Variants in ZPBP2 observed in about 807,000 individuals in gnomAD.
The protein encoded by ZPBP2 is zona pellucida binding protein 2.
ZPBP2 carries 34 observed loss-of-function variants against 37.5 expected under a neutral mutation model. The ratio of observed to expected loss-of-function variants is 0.91; its 90% CI spans 0.69 to 1.21. The LOEUF (loss-of-function observed/expected upper bound fraction) is 1.21, where lower values mean the gene tolerates loss of function less well. Among genes scored for constraint, ZPBP2 ranks in the 50% most tolerant of loss-of-function variants. The pLI is 0.00. For synonymous variants in ZPBP2, 143 were observed against 138.4 expected (o/e 1.03, Z -0.23); for missense variants, 397 against 413.5 (o/e 0.96, Z 0.35).
At position 39,876,914 on chromosome 17, in the gene ZPBP2, A is replaced by G. The variant is rs905599339; in HGVS notation, c.*105A>G. ...CATTAAGTAAAATCAGTAAGACCAA[A>G]CCACTGGAAAACATGCATTTTGGAA... On this transcript the variant is annotated 3_prime_UTR_variant, in exon 8 of 8. Transcript: ENST00000348931. The G allele has an allele frequency of 2.7e-5, 38 of 1,404,506 alleles. No individual in the cohort carries two copies. The East Asian group carries it at 3.8e-4, about 14-fold the overall frequency. The allele number at this position is 1,404,506 out of a possible 1,614,324, so 87.0% of individuals were successfully genotyped here.
At chr17:39,872,156 C>A in intron 4 of ZPBP2, 114 bp from the exon 5 acceptor site, 1 of 728,606 alleles carries the variant, frequency 1.4e-6, no homozygotes, top group Non-Finnish European at 2.2e-6. Context: ...TGTTTCTATG[C>A]TGACTGCAAG....
At chr17:39,871,795 A>G (rs2063366036) in intron 4 of ZPBP2, among the ~76,000 whole-genome samples, 170 bp downstream of exon 4, 1 of 152,174 alleles carries the variant, frequency 6.6e-6, no homozygotes, top group Admixed American at 6.5e-5. Flanking sequence ...TGACATCAAG[A>G]TAGTTTATCC....
chr17:39,869,415 T>C (rs1466986051), intron 2 of ZPBP2, among the ~76,000 whole-genome samples: 4 of 147,124 alleles, frequency 2.7e-5, no homozygotes, highest in African/African-American at 5.0e-5. Context: ...CTTTTTTTTT[T>C]TTTTTTTTTT....
intron 6 of ZPBP2, among the ~76,000 whole-genome samples, chr17:39,874,062 T>C (rs2063378301): frequency 6.9e-6 from 1 of 145,786 alleles, no homozygotes; most frequent in Non-Finnish European, 1.5e-5. Flanking sequence ...CTCAGCTCAC[T>C]GCAACCTCCA....
At chr17:39,876,372 A>G (rs2063390660) in intron 7 of ZPBP2, among the ~76,000 whole-genome samples, 1 of 152,204 alleles carries the variant, frequency 6.6e-6, no homozygotes, top group Admixed American at 6.5e-5. Flanking sequence ...GAGAACTAGG[A>G]AATAGGAACT....
intron 4 of ZPBP2, 98 bp downstream of exon 4, chr17:39,871,723 C>CAGTCACCT: frequency 7.0e-6 from 7 of 994,316 alleles, no homozygotes; most frequent in Non-Finnish European, 8.5e-6. Context: ...TAATAGGTGA[C>CAGTCACCT]TGTCACCAAT....
rs760040285 is a variant in ZPBP2 at position 39,871,569 on chromosome 17, A to T, written c.350A>T (p.Lys117Ile). The change falls in exon 4 of 8, where the codon AAA becomes ATA. Residue 117 changes from lysine (K) to isoleucine (I), a missense_variant. Transcript: ENST00000348931. ...TGTACTCTTTCTTATAAGACTGTTA[A>T]AGCAGAAACTCAAGAAGAAAAAACA... ...YTCTLSYKTV[K>I]AETQEEKTVK... 3.7e-6 allele frequency: 6 copies of T among 1,601,368 alleles called. No homozygotes were observed. Among genetic ancestry groups the T allele is most frequent in the Non-Finnish European group, 4.3e-6 (5 of 1,175,310 alleles).
chr17:39,869,631 C>T (rs1229311235), intron 2 of ZPBP2, among the ~76,000 whole-genome samples: 15 of 150,226 alleles, frequency 1.0e-4, no homozygotes, highest in African/African-American at 3.4e-4. Flanking sequence ...TCTCGAACTT[C>T]TGACCTCAGG....
chr17:39,869,563 C>G (rs892466384), intron 2 of ZPBP2, among the ~76,000 whole-genome samples: 1 of 143,700 alleles, frequency 7.0e-6, no homozygotes, highest in Non-Finnish European at 1.5e-5. Context: ...CGCCACCACG[C>G]CTGGCTAATT....
At chr17:39,869,535 G>T (rs187549822) in intron 2 of ZPBP2, among the ~76,000 whole-genome samples, 1 of 150,718 alleles carries the variant, frequency 6.6e-6, no homozygotes, top group Non-Finnish European at 1.5e-5. Flanking sequence ...CTCCCTAGTG[G>T]CTGGGATTAC....
rs986918789 is a variant in ZPBP2, at chr17:39,877,092, G to A, written c.*283G>A. 7.5e-6 allele frequency: 2 copies of A among 265,790 alleles called. No individual in the cohort carries two copies. The highest frequency in any genetic ancestry group is 1.5e-5 in the Non-Finnish European group (2 of 133,842). The allele number at this position is 265,790 out of a possible 1,614,324, so 16.5% of individuals were successfully genotyped here. On this transcript the variant is annotated 3_prime_UTR_variant, in exon 8 of 8. Transcript: ENST00000348931. ...ATGTTGCTGTGTACCTAAGAGTATAGTAAGGTCAAGAAGAGTATCAAAGTA... is the reference window on the plus strand; with the variant it reads ...ATGTTGCTGTGTACCTAAGAGTATAATAAGGTCAAGAAGAGTATCAAAGTA...
intron 2 of ZPBP2, 70 bp downstream of exon 2, chr17:39,868,684 T>A: frequency 6.4e-7 from 1 of 1,571,448 alleles, no homozygotes; most frequent in East Asian, 2.2e-5. Context: ...CCGGAAGAGC[T>A]TCCTGGAGAG....
intron 6 of ZPBP2, among the ~76,000 whole-genome samples, chr17:39,874,739 T>G (rs1244067202): frequency 6.6e-6 from 1 of 152,052 alleles, no homozygotes; most frequent in Non-Finnish European, 1.5e-5. Context: ...AGCCTAATCT[T>G]AATTTTAATT....
chr17:39,873,461 G>A (rs2063374753), intron 6 of ZPBP2, among the ~76,000 whole-genome samples: 1 of 151,922 alleles, frequency 6.6e-6, no homozygotes, highest in Admixed American at 6.5e-5. Flanking sequence ...GATTTTTTAA[G>A]TATTATTGAT....
chr17:39,868,486 C>T, intron 1 of ZPBP2, 63 bp from the exon 2 acceptor site: 2 of 1,613,426 alleles, frequency 1.2e-6, no homozygotes, highest in Non-Finnish European at 1.7e-6. Context: ...CTCGCCCTGC[C>T]CTGCCCGACT....
rs34192567 is a variant in ZPBP2, at chr17:39,875,883, CTTTTTTTTTTT to C, written c.889+470_889+480del. Among the ~76,000 whole-genome samples the C allele has an allele frequency of 2.8e-3, 179 of 63,782 alleles. 1 individual carries two copies. The highest frequency in any genetic ancestry group is 4.6e-3 in the Non-Finnish European group (138 of 30,090). The allele number at this position is 63,782 out of a possible 152,430, so 41.8% of individuals were successfully genotyped here. A position where few individuals can be genotyped will look rare whatever the true frequency, so the allele number is the denominator to read the frequency against. On this transcript the variant is annotated intron_variant, in intron 7 of 7. Coordinates refer to ENST00000348931, the MANE Select transcript of ZPBP2 (RefSeq NM_199321.3). ...AGGTGTGGGCTACCATGCTTGGCCC[CTTTTTTTTTTT>C]TTTTTTTTTTTTTTTTTTTTGAGAT...
Position 39,873,120 on chromosome 17 carries a change from C to A in ZPBP2, c.702C>A (p.Ile234=). The stretch of plus-strand genomic sequence containing the variant: ...GTGAAGATACCACTAATCATAATAT[C>A]CTCCAGGTGAGAATTTCATGGTAAG... ...VDCEDTTNHN[I]LQARDRIEDF... The change falls in exon 6 of 8, where the codon ATC becomes ATA. Residue 234 remains isoleucine, a synonymous_variant. Coordinates refer to ENST00000348931, the MANE Select transcript of ZPBP2 (RefSeq NM_199321.3). 1 of 1,606,178 alleles carries A rather than the reference C, an allele frequency of 6.2e-7. No individual in the cohort carries two copies. Among genetic ancestry groups the A allele is most frequent in the Non-Finnish European group, 8.5e-7 (1 of 1,177,198 alleles).
intron 2 of ZPBP2, 61 bp downstream of exon 2, chr17:39,868,675 C>G (rs1598260990): frequency 1.3e-6 from 2 of 1,573,336 alleles, no homozygotes; most frequent in Non-Finnish European, 1.7e-6. Flanking sequence ...AAGCTCTTCC[C>G]GGAAGAGCTT....
chr17:39,875,545 AAAAT>A, intron 7 of ZPBP2, 111 bp downstream of exon 7: 1 of 860,982 alleles, frequency 1.2e-6, no homozygotes. Flanking sequence ...CTCTTACCAA[AAAAT>A]ATATATATAT....
Sources: allele counts gnomAD v4.1 joint callset (sites outside exome capture counted in the v4.1 genomes callset), GRCh38; gene constraint gnomAD v4.1.1; transcripts MANE v1.5; gene names NCBI Gene and HGNC (gene_info 2026-07-23, HGNC 2026-07-21).